FAT3: variants seen among roughly 807,000 people sequenced by gnomAD.
The protein encoded by FAT3 is FAT atypical cadherin 3.
FAT3 carries 95 observed loss-of-function variants against 310.2 expected under a neutral mutation model. That is an observed-to-expected ratio of 0.31 (90% confidence interval 0.26 to 0.36). The LOEUF is 0.36. FAT3 is among the 10% of genes least tolerant of loss of function. The pLI, the probability that FAT3 is intolerant of heterozygous loss-of-function variation, is 1.00. For synonymous variants in FAT3, 2,314 were observed against 2,192.9 expected, an observed-to-expected ratio of 1.06 and a Z score of -1.54; for missense variants, 5,408 against 5,715.6, an observed-to-expected ratio of 0.95 and a Z score of 1.74.
chr11:92,588,449 T>C (rs1212631659), intron 3 of FAT3, among the ~76,000 whole-genome samples: 1 of 152,078 alleles, frequency 6.6e-6, no homozygotes, highest in Non-Finnish European at 1.5e-5. Context: ...CCTGACCCTC[T>C]TGGCAACTTC....
intron 2 of FAT3, among the ~76,000 whole-genome samples, chr11:92,402,693 C>T (rs898151316): frequency 6.6e-6 from 1 of 150,732 alleles, no homozygotes; most frequent in East Asian, 2.0e-4. Flanking sequence ...GATCACACCA[C>T]AGCGCTCCAG....
intron 3 of FAT3, among the ~76,000 whole-genome samples, chr11:92,679,061 C>G (rs985773557): frequency 1.3e-5 from 2 of 152,112 alleles, no homozygotes; most frequent in Admixed American, 6.6e-5. Flanking sequence ...ATTTGACATT[C>G]TTTGGCTGGC....
At chr11:92,415,078 A>G (rs1397053370) in intron 2 of FAT3, among the ~76,000 whole-genome samples, 1 of 152,142 alleles carries the variant, frequency 6.6e-6, no homozygotes, top group Admixed American at 6.5e-5. Flanking sequence ...ATATTTCTGC[A>G]GTGACATCGC....
At chr11:92,838,941 C>G (rs1201827969) in intron 17 of FAT3, among the ~76,000 whole-genome samples, 1 of 152,144 alleles carries the variant, frequency 6.6e-6, no homozygotes, top group East Asian at 1.9e-4. Flanking sequence ...GATGCTTTTT[C>G]CAGCAGCTCT....
intron 1 of FAT3, among the ~76,000 whole-genome samples, chr11:92,271,480 G>GT (rs1946121102): frequency 6.6e-6 from 1 of 151,840 alleles, no homozygotes; most frequent in African/African-American, 2.4e-5. Context: ...CATTTATTTC[G>GT]TTTTCTTCAC....
chr11:92,712,295 A>G (rs1053802731), intron 4 of FAT3, among the ~76,000 whole-genome samples: 7 of 152,244 alleles, frequency 4.6e-5, no homozygotes, highest in Admixed American at 2.6e-4. Context: ...TATTAAGAAA[A>G]AGGGACTCTG....
intron 2 of FAT3, among the ~76,000 whole-genome samples, chr11:92,409,853 T>G (rs1042380888): frequency 1.4e-4 from 22 of 152,150 alleles, no homozygotes; most frequent in Admixed American, 6.6e-4. Context: ...TCAGACAGCA[T>G]TCTATACAAG....
chr11:92,773,954 T>G, intron 6 of FAT3, 87 bp from the exon 7 acceptor site: 1 of 1,491,402 alleles, frequency 6.7e-7, no homozygotes, highest in Non-Finnish European at 9.0e-7. Context: ...AAAATTTCTG[T>G]ATAAGAGCTC....
At chr11:92,633,075 T>C (rs1428148801) in intron 3 of FAT3, among the ~76,000 whole-genome samples, 1 of 152,222 alleles carries the variant, frequency 6.6e-6, no homozygotes, top group Non-Finnish European at 1.5e-5. Flanking sequence ...ATGTTCCTGG[T>C]TCTTGATTTT....
At chr11:92,303,877 T>C (rs936504525) in intron 1 of FAT3, among the ~76,000 whole-genome samples, 1 of 152,128 alleles carries the variant, frequency 6.6e-6, no homozygotes, top group Non-Finnish European at 1.5e-5. Flanking sequence ...CCTATTCAAA[T>C]GTAGTTTAGA....
At chr11:92,788,354 C>T (rs1216378817) in intron 7 of FAT3, among the ~76,000 whole-genome samples, 4 of 151,976 alleles carry the variant, frequency 2.6e-5, no homozygotes, top group African/African-American at 7.2e-5. Context: ...AAAAAGAGTA[C>T]CTCATTGGTC....
chr11:92,241,960 G>A (rs889623006), intron 1 of FAT3, among the ~76,000 whole-genome samples: 11 of 152,082 alleles, frequency 7.2e-5, no homozygotes, highest in African/African-American at 2.4e-4. Flanking sequence ...TAAGAGTTTG[G>A]CTAAAATCAC....
intron 2 of FAT3, among the ~76,000 whole-genome samples, chr11:92,389,170 A>G (rs1366127204): frequency 2.6e-5 from 4 of 152,172 alleles, no homozygotes; most frequent in Non-Finnish European, 5.9e-5. Flanking sequence ...TAACACACAG[A>G]GCATTGAAAA....
At chr11:92,510,942 A>AGG in intron 2 of FAT3, among the ~76,000 whole-genome samples, 1 of 152,342 alleles carries the variant, frequency 6.6e-6, no homozygotes, top group Non-Finnish European at 1.5e-5. Flanking sequence ...ACAGAGTAGA[A>AGG]CAAAAGTGTC....
intron 2 of FAT3, among the ~76,000 whole-genome samples, chr11:92,426,982 A>G (rs1950649061): frequency 6.6e-6 from 1 of 152,160 alleles, no homozygotes; most frequent in East Asian, 1.9e-4. Flanking sequence ...GGCCATTTTC[A>G]CGCTATTGAT....
intron 2 of FAT3, among the ~76,000 whole-genome samples, chr11:92,483,569 A>G (rs1397359456): frequency 6.6e-6 from 1 of 151,712 alleles, no homozygotes; most frequent in Non-Finnish European, 1.5e-5. Context: ...GTGGGTATGT[A>G]TCCTATCTCA....
chr11:92,840,621 T>G lies in FAT3; in HGVS notation c.10428T>G (p.Phe3476Leu). The G allele has an allele frequency of 6.2e-7, 1 of 1,611,822 alleles. No homozygotes were observed. Among genetic ancestry groups the G allele is most frequent in the Non-Finnish European group, 8.5e-7 (1 of 1,178,058 alleles). ...LQLVVTDRDS[F>L]HNGPPFSFSI... ...TGGTGGTGACAGACAGAGACTCCTTTCACAATGGGCCTCCCTTTTCATTCT... is the reference window on the plus strand; with the variant it reads ...TGGTGGTGACAGACAGAGACTCCTTGCACAATGGGCCTCCCTTTTCATTCT... Residue 3476 changes from phenylalanine to leucine, a missense_variant, in exon 18 of 28, where the codon TTT becomes TTG. Phe to Leu is a conservative substitution (Grantham distance 22, BLOSUM62 0). Coordinates refer to ENST00000525166, the MANE Select transcript of FAT3 (RefSeq NM_001367949.2).
At chr11:92,483,345 T>C (rs1188794668) in intron 2 of FAT3, among the ~76,000 whole-genome samples, 2 of 152,118 alleles carry the variant, frequency 1.3e-5, no homozygotes, top group Admixed American at 6.5e-5. Context: ...TCTTTTTCTT[T>C]TATTTTTTGA....
intron 2 of FAT3, among the ~76,000 whole-genome samples, chr11:92,357,391 TC>T (rs1188259013): frequency 1.3e-5 from 2 of 152,208 alleles, no homozygotes; most frequent in Non-Finnish European, 2.9e-5. Context: ...AGTTGGAATT[TC>T]CCTGCATGTA....
Sources: gnomAD v4.1 joint callset for allele counts (sites outside exome capture counted in the v4.1 genomes callset) on GRCh38, gnomAD v4.1.1 for gene constraint, MANE v1.5 for transcripts, NCBI Gene and HGNC (gene_info 2026-07-23, HGNC 2026-07-21) for gene names.